The following F8 variants were observed in gnomAD, a reference collection of about 807,000 sequenced individuals.
F8 encodes the protein coagulation factor VIII.
In F8, 12 loss-of-function variants were observed where a neutral mutation model predicts 140.6. The observed-to-expected ratio is 0.09, with a 90% CI of 0.05 to 0.14. The LOEUF (loss-of-function observed/expected upper bound fraction) is 0.14, where lower values mean the gene tolerates loss of function less well. Ranked by LOEUF, F8 falls within the 10% of genes least tolerant of loss-of-function variation. The probability of loss-of-function intolerance (pLI) is 1.00; values close to 1 mark genes in which losing one functional copy is unlikely to be tolerated. For missense variants in F8, 1,354 were observed against 1,720.7 expected, an observed-to-expected ratio of 0.79 and a Z score of 3.77; for synonymous variants, 585 against 614.6, an observed-to-expected ratio of 0.95 and a Z score of 0.71.
At chrX:154,935,981 A>AACACACACACAC (rs782071576) in intron 13 of F8, among the ~76,000 whole-genome samples, 21 of 88,324 alleles carry the variant, frequency 2.4e-4, no homozygotes, top group East Asian at 1.5e-3. Flanking sequence ...ATGCCAAAGT[A>AACACACACACAC]ACACACACAC....
intron 25 of F8, among the ~76,000 whole-genome samples, chrX:154,859,179 GAGAC>G (rs1484670933): frequency 1.8e-5 from 2 of 111,975 alleles, no homozygotes; most frequent in Admixed American, 9.4e-5. Flanking sequence ...CAGAGAGAGA[GAGAC>G]AGACAGACAG....
At chrX:154,897,185 G>C (rs2072986625) in intron 21 of F8, among the ~76,000 whole-genome samples, 1 of 112,423 alleles carries the variant, frequency 8.9e-6, no homozygotes, top group African/African-American at 3.2e-5. Flanking sequence ...TAAAGAAGAG[G>C]TCATGGGCTG....
intron 6 of F8, among the ~76,000 whole-genome samples, chrX:154,982,087 G>T (rs1557283681): frequency 9.1e-6 from 1 of 110,236 alleles, no homozygotes; most frequent in African/African-American, 3.3e-5. Flanking sequence ...GGGAGGCTGG[G>T]GCAGGAGAAT....
At chrX:154,844,223 G>A (rs1481085037) in intron 25 of F8, among the ~76,000 whole-genome samples, 3 of 111,500 alleles carry the variant, frequency 2.7e-5, no homozygotes, top group Non-Finnish European at 5.7e-5. Context: ...GTCAGGTAGC[G>A]TGATGCCTCC....
At chrX:154,875,115 A>AT (rs2072801852) in intron 22 of F8, among the ~76,000 whole-genome samples, 1 of 112,153 alleles carries the variant, frequency 8.9e-6, no homozygotes, top group Admixed American at 9.5e-5. Context: ...GTAATAAGCC[A>AT]GACACTGAAA....
At chrX:154,847,797 T>C (rs1169927183) in intron 25 of F8, among the ~76,000 whole-genome samples, 1 of 113,279 alleles carries the variant, frequency 8.8e-6, no homozygotes, top group Admixed American at 9.3e-5. Context: ...GTCAAAGTCA[T>C]TTTCTGTCCA....
At chrX:154,867,586 G>C in intron 22 of F8, among the ~76,000 whole-genome samples, 1 of 107,334 alleles carries the variant, frequency 9.3e-6, no homozygotes, top group African/African-American at 3.4e-5. Flanking sequence ...TACTCAGGAG[G>C]CTGAGGCAGG....
intron 22 of F8, among the ~76,000 whole-genome samples, chrX:154,877,919 T>C (rs919766741): frequency 6.3e-5 from 7 of 111,730 alleles, no homozygotes; most frequent in Non-Finnish European, 1.3e-4. Context: ...CAACAAATAG[T>C]TAATGACTGA....
Position 155,004,260 on chromosome X carries a change from G to T in F8, c.144-4660C>A, listed in dbSNP as rs146404270. Among the ~76,000 whole-genome samples the T allele has an allele frequency of 3.0e-3, 337 of 111,974 alleles. 1 individual carries two copies. Among genetic ancestry groups the T allele is most frequent in the Non-Finnish European group, 4.9e-3 (260 of 53,183 alleles). On this transcript the variant is annotated intron_variant, in intron 1 of 25. Transcript: ENST00000360256. ...GAAAGTATCCTTCAAAAATGAAGGA[G>T]AAATAAAAACTTTCTCAGACAATAA...
Position 154,835,867 on chromosome X carries a change from C to T in F8, c.*1730G>A, listed in dbSNP as rs190300812. 5.1e-4 allele frequency: 57 copies of T among 112,273 alleles called. No homozygotes were observed. Among genetic ancestry groups the T allele is most frequent in the African/African-American group, 1.7e-3 (52 of 30,927 alleles). 9.3% of individuals were successfully genotyped at this position (112,273 alleles called of 1,213,427 possible). ...AAAATAAAAGAGCTAGTTCCATGAA[C>T]ATTTGAGAAATAGAGATGTATATAG... On this transcript the variant is annotated 3_prime_UTR_variant, in exon 26 of 26. Transcript: ENST00000360256.
chrX:154,985,582 A>G (rs2073554621), intron 5 of F8, among the ~76,000 whole-genome samples: 1 of 112,633 alleles, frequency 8.9e-6, no homozygotes. Context: ...TGAAATTGAT[A>G]AGGGCTGAAG....
At chrX:154,858,539 G>T (rs948442970) in intron 25 of F8, among the ~76,000 whole-genome samples, 2 of 112,281 alleles carry the variant, frequency 1.8e-5, no homozygotes, top group African/African-American at 3.2e-5. Flanking sequence ...ATCCCTTAGA[G>T]TGTCTCTTAG....
chrX:154,986,793 C>T (rs1234343299), intron 5 of F8, among the ~76,000 whole-genome samples: 1 of 111,351 alleles, frequency 9.0e-6, no homozygotes. Context: ...GGTACTAACA[C>T]TATTGAGGGC....
At chrX:154,942,243 G>A (rs1557279847) in intron 13 of F8, among the ~76,000 whole-genome samples, 1 of 109,384 alleles carries the variant, frequency 9.1e-6, no homozygotes, top group African/African-American at 3.3e-5. Context: ...TTTTTTGAAA[G>A]GATCAACAGA....
At chrX:154,878,031 C>T in intron 22 of F8, among the ~76,000 whole-genome samples, 1 of 111,489 alleles carries the variant, frequency 9.0e-6, no homozygotes, top group Middle Eastern at 4.7e-3. Flanking sequence ...AACATTAATC[C>T]TTCTTAAACT....
At chrX:154,995,892 A>T (rs782538623) in intron 3 of F8, among the ~76,000 whole-genome samples, 5 of 111,249 alleles carry the variant, frequency 4.5e-5, no homozygotes, top group Non-Finnish European at 9.4e-5. Flanking sequence ...GCTCATGGCT[A>T]CCATTTGAAC....
chrX:154,919,584 C>G, intron 14 of F8: 1 of 783,247 alleles, frequency 1.3e-6, no homozygotes, highest in Non-Finnish European at 1.8e-6. Flanking sequence ...TCACTTGGAC[C>G]CTAAAGTGCA....
intron 7 of F8, 58 bp downstream of exon 7, chrX:154,969,273 T>G: frequency 1.4e-5 from 15 of 1,065,189 alleles, no homozygotes; most frequent in Non-Finnish European, 2.0e-5. Flanking sequence ...TCCAGTAAAT[T>G]TTATTAAAAG....
intron 13 of F8, among the ~76,000 whole-genome samples, chrX:154,941,960 G>A (rs2073268191): frequency 9.6e-6 from 1 of 104,005 alleles, no homozygotes; most frequent in Non-Finnish European, 2.0e-5. Flanking sequence ...GATGTTCTTT[G>A]AAACCAATGA....
Sources: gnomAD v4.1 joint callset for allele counts (sites outside exome capture counted in the v4.1 genomes callset) on GRCh38, gnomAD v4.1.1 for gene constraint, MANE v1.5 for transcripts, NCBI Gene and HGNC (gene_info 2026-07-23, HGNC 2026-07-21) for gene names.